STK10: variants seen among roughly 807,000 people sequenced by gnomAD.
The protein encoded by STK10 is serine/threonine-protein kinase 10.
Under a neutral mutation model 113.8 loss-of-function variants are expected in STK10, and 78 were observed. That is an observed-to-expected ratio of 0.69 (90% CI 0.57 to 0.83). STK10 has a LOEUF of 0.83. Ranked by LOEUF, STK10 falls within the 40% of genes least tolerant of loss-of-function variation. The pLI is 0.00. For missense variants in STK10, 1,109 were observed against 1,280.1 expected (o/e 0.87, Z 2.04); for synonymous variants, 465 against 494.7 (o/e 0.94, Z 0.80).
intron 2 of STK10, among the ~76,000 whole-genome samples, chr5:172,137,181 A>G (rs1769880515): frequency 6.6e-6 from 1 of 152,160 alleles, no homozygotes; most frequent in Admixed American, 6.6e-5. Flanking sequence ...TAAACGTCTT[A>G]GGGCTAAGAA....
chr5:172,120,854 T>C lies in STK10; in HGVS notation c.371-3224A>G, dbSNP rs898734762. 6.6e-6 allele frequency among the ~76,000 whole-genome samples: 1 copy of C among 152,146 alleles called. No homozygotes were observed. Among genetic ancestry groups the C allele is most frequent in the Non-Finnish European group, 1.5e-5 (1 of 68,022 alleles). ...GAAATAGGAATGACAAAAATACTAA[T>C]GATGATGATGAAGATAATTATGATC... is the stretch of plus-strand genomic sequence containing the variant. On this transcript the variant is annotated intron_variant, in intron 3 of 18. Transcript: ENST00000176763. The surrounding 1 kb of genome is among the most constrained non-coding windows in gnomAD (Gnocchi z 4.0).
intron 2 of STK10, among the ~76,000 whole-genome samples, chr5:172,128,505 G>A (rs1448864553): frequency 6.6e-6 from 1 of 152,092 alleles, no homozygotes; most frequent in Non-Finnish European, 1.5e-5. Flanking sequence ...TAATGTTTGT[G>A]TTTTTAGTAG....
intron 12 of STK10, among the ~76,000 whole-genome samples, chr5:172,071,297 AAAG>A (rs529218034): frequency 7.8e-6 from 1 of 128,082 alleles, no homozygotes; most frequent in Non-Finnish European, 1.6e-5. Flanking sequence ...AAAAAAAAAA[AAAG>A]AAGAAGAAAT....
intron 1 of STK10, among the ~76,000 whole-genome samples, chr5:172,166,136 T>G (rs1370651678): frequency 6.6e-6 from 1 of 152,196 alleles, no homozygotes; most frequent in Admixed American, 6.5e-5. Context: ...AGCAGCTTTT[T>G]CTTTCTCTGG....
At chr5:172,149,495 C>CGTGTGTGTGTGTGTGT (rs3839238) in intron 2 of STK10, among the ~76,000 whole-genome samples, 1 of 149,262 alleles carries the variant, frequency 6.7e-6, no homozygotes, top group African/African-American at 2.5e-5. Flanking sequence ...ACAAAGTGCT[C>CGTGTGTGTGTGTGTGT]GTGTGTGTGT....
chr5:172,136,680 A>T (rs1275847223), intron 2 of STK10, among the ~76,000 whole-genome samples: 1 of 152,218 alleles, frequency 6.6e-6, no homozygotes, highest in Non-Finnish European at 1.5e-5. Flanking sequence ...TCCAAAAAAT[A>T]AGAGGAGGAA....
chr5:172,107,615 G>A (rs569270353), intron 5 of STK10, among the ~76,000 whole-genome samples, 165 bp downstream of exon 5: 2 of 152,264 alleles, frequency 1.3e-5, no homozygotes, highest in South Asian at 4.1e-4. Context: ...AGAAACTGAC[G>A]CACGGGAAAG....
Position 172,156,736 on chromosome 5 carries a change from T to C in STK10, c.209A>G (p.Lys70Arg), listed in dbSNP as rs147686857. 3 of 1,614,048 alleles carry C rather than the reference T, an allele frequency of 1.9e-6. No individual in the cohort carries two copies. The African/African-American group carries it at 4.0e-5, about 22-fold the overall frequency. The change falls in exon 2 of 19, where the codon AAG (lysine) becomes AGG (arginine). Residue 70 changes from lysine to arginine, a missense_variant. Coordinates refer to ENST00000176763, the MANE Select transcript of STK10 (RefSeq NM_005990.4). Reference sequence around the variant, plus strand: ...GTAGTCCTCCAGCTCCTCCTCACTCTTGGTTTCAATGACTTTGGCCGCAGC... The same window carrying C: ...GTAGTCCTCCAGCTCCTCCTCACTCCTGGTTTCAATGACTTTGGCCGCAGC... ...ALAAAKVIET[K>R]SEEELEDYIV...
At position 172,125,617 on chromosome 5, in the gene STK10, T is replaced by C. The variant is rs760766689; in HGVS notation, c.370+1756A>G. Reference sequence around the variant, plus strand: ...CCAGGCTGGTTTCAAACTCGTGGCCTCAGGTGATCCGCCCACCTCGGCCTC... The same window carrying C: ...CCAGGCTGGTTTCAAACTCGTGGCCCCAGGTGATCCGCCCACCTCGGCCTC... On this transcript the variant is annotated intron_variant, in intron 3 of 18. Transcript: ENST00000176763. Among the ~76,000 whole-genome samples, 4 of 152,202 alleles carry C rather than the reference T, an allele frequency of 2.6e-5. 1 individual carries two copies. Among genetic ancestry groups the C allele is most frequent in the Non-Finnish European group, 2.9e-5 (2 of 68,036 alleles).
In STK10 at chr5:172,106,614, C is replaced by T. The variant is rs375299625; in HGVS notation, c.788+6G>A. ...CCCGGCAGGTGGCCCTGCCCCTGCC[C>T]CTCACCACTTAGAGGGCGTGAGCAG... On this transcript the variant is annotated splice_donor_region_variant and intron_variant, in intron 6 of 18. Transcript: ENST00000176763. The T allele has an allele frequency of 4.3e-6, 7 of 1,610,624 alleles. No individual in the cohort carries two copies. In the African/African-American group the frequency reaches 6.7e-5, roughly 15 times the overall value.
At chr5:172,047,693 C>A (rs1483427430) in intron 18 of STK10, among the ~76,000 whole-genome samples, 2 of 152,104 alleles carry the variant, frequency 1.3e-5, no homozygotes, top group Non-Finnish European at 2.9e-5. Flanking sequence ...GTAAGCAGAA[C>A]TGATGTACGA....
intron 18 of STK10, among the ~76,000 whole-genome samples, chr5:172,048,453 A>ACACACACACACACACACACACACC (rs58262876): frequency 6.8e-6 from 1 of 146,830 alleles, no homozygotes; most frequent in Non-Finnish European, 1.5e-5. Context: ...ACACACACAC[A>ACACACACACACACACACACACACC]TCCTCTCTCT....
At chr5:172,100,855 C>T (rs1312972366) in intron 7 of STK10, among the ~76,000 whole-genome samples, 1 of 152,174 alleles carries the variant, frequency 6.6e-6, no homozygotes, top group African/African-American at 2.4e-5. Flanking sequence ...GCATCTCTTT[C>T]AATCCTCTCT....
Position 172,103,209 on chromosome 5 carries a change from C to T in STK10, c.870+2447G>A, listed in dbSNP as rs556648097. ...CAAGCGGCCTGGGGCCAGTCACCTC[C>T]CTGCTCTGATCCCGGTGTCCTCCCG... On this transcript the variant is annotated intron_variant, in intron 7 of 18. Coordinates refer to ENST00000176763, the MANE Select transcript of STK10 (RefSeq NM_005990.4). Among the ~76,000 whole-genome samples, 21 of 152,348 alleles carry T rather than the reference C, an allele frequency of 1.4e-4. 1 individual carries two copies. In the South Asian group the frequency reaches 4.3e-3, roughly 32 times the overall value.
intron 2 of STK10, among the ~76,000 whole-genome samples, chr5:172,141,756 C>A (rs1045240770): frequency 2.0e-5 from 3 of 152,040 alleles, no homozygotes; most frequent in African/African-American, 7.2e-5. Flanking sequence ...AGCCTATATG[C>A]GCTCTCAGAG....
chr5:172,140,380 T>C (rs1296749989), intron 2 of STK10, among the ~76,000 whole-genome samples: 2 of 152,174 alleles, frequency 1.3e-5, no homozygotes, highest in African/African-American at 4.8e-5. Flanking sequence ...GAAAACAGTA[T>C]GGAAGTTCCT....
At chr5:172,057,254 T>C in intron 15 of STK10, 95 bp downstream of exon 15, 2 of 1,503,178 alleles carry the variant, frequency 1.3e-6, no homozygotes, top group East Asian at 2.5e-5. Flanking sequence ...TCATCCAAAG[T>C]GTGCACCCAA....
intron 1 of STK10, among the ~76,000 whole-genome samples, chr5:172,172,977 C>CAAAAAAAAGA (rs1770689089): frequency 6.8e-6 from 1 of 147,000 alleles, no homozygotes; most frequent in Non-Finnish European, 1.5e-5. Context: ...AAGACTCTGT[C>CAAAAAAAAGA]AAAAAAAAGA....
intron 14 of STK10, among the ~76,000 whole-genome samples, chr5:172,060,708 C>T (rs1581135205): frequency 6.6e-6 from 1 of 152,192 alleles, no homozygotes; most frequent in African/African-American, 2.4e-5. Flanking sequence ...AGTAACTCTC[C>T]AAGCCTCAGT....
Sources: gnomAD v4.1 joint callset for allele counts (sites outside exome capture counted in the v4.1 genomes callset) on GRCh38, gnomAD v4.1.1 for gene constraint, Gnocchi (gnomAD v3.1) non-coding constraint, MANE v1.5 for transcripts, NCBI Gene and HGNC (gene_info 2026-07-23, HGNC 2026-07-21) for gene names.